The following TNR variants were observed in gnomAD, a reference collection of about 807,000 sequenced individuals.
The protein encoded by TNR is tenascin-R.
Under a neutral mutation model 150.4 loss-of-function variants are expected in TNR, and 45 were observed. That is an observed-to-expected ratio of 0.30 (90% CI 0.24 to 0.38). The LOEUF (loss-of-function observed/expected upper bound fraction) is 0.38. Ranked by LOEUF, TNR falls within the 10% of genes least tolerant of loss-of-function variation. The pLI is 1.00. For synonymous variants in TNR, 687 were observed against 678.4 expected (o/e 1.01, Z -0.20); for missense variants, 1,544 against 1,759.1 (o/e 0.88, Z 2.19).
At chr1:175,499,694 C>T (rs985854723) in intron 2 of TNR, among the ~76,000 whole-genome samples, 2 of 152,210 alleles carry the variant, frequency 1.3e-5, no homozygotes, top group African/African-American at 4.8e-5. Flanking sequence ...AAGTGCTCCC[C>T]TTATAGCCAT....
At chr1:175,360,461 A>G (rs1315743084) in intron 14 of TNR, among the ~76,000 whole-genome samples, 1 of 152,212 alleles carries the variant, frequency 6.6e-6, no homozygotes, top group Non-Finnish European at 1.5e-5. Context: ...TGCTTGTCAT[A>G]GGATCATCTT....
chr1:175,382,497 G>A (rs951697704), intron 8 of TNR, among the ~76,000 whole-genome samples: 14 of 152,184 alleles, frequency 9.2e-5, no homozygotes, highest in African/African-American at 2.7e-4. Context: ...GTCCTAGAGC[G>A]GCATCACTGC....
chr1:175,504,528 C>A (rs1486938388), intron 2 of TNR, among the ~76,000 whole-genome samples: 5 of 152,172 alleles, frequency 3.3e-5, no homozygotes, highest in African/African-American at 1.2e-4. Context: ...GTCGGGTGCT[C>A]ATTTCTCCCC....
rs1476272185 is a variant in TNR at position 175,549,705 on chromosome 1, G to T, written c.-164-21336C>A. Among the ~76,000 whole-genome samples the T allele has an allele frequency of 3.3e-5, 5 of 152,306 alleles. No individual in the cohort carries two copies. The South Asian group carries it at 1.0e-3, about 32-fold the overall frequency. On this transcript the variant is annotated intron_variant, in intron 1 of 22. Coordinates refer to ENST00000367674, the MANE Select transcript of TNR (RefSeq NM_003285.3). ...AAGAGAGGTTCTCTGTTGCTGAGTG[G>T]AGGTGGCCCATAGCAAGGATCTGAG...
chr1:175,490,208 T>C (rs1042072222), intron 2 of TNR, among the ~76,000 whole-genome samples: 1 of 151,670 alleles, frequency 6.6e-6, no homozygotes, highest in Non-Finnish European at 1.5e-5. Flanking sequence ...CCTTCCACCA[T>C]ATAAAAAATT....
chr1:175,326,913 G>T (rs995098087), intron 21 of TNR, among the ~76,000 whole-genome samples: 7 of 151,304 alleles, frequency 4.6e-5, no homozygotes, highest in East Asian at 1.9e-4. Context: ...TGATCTGCCC[G>T]CCTCGGCCTC....
intron 2 of TNR, among the ~76,000 whole-genome samples, chr1:175,444,720 C>T (rs1295819487): frequency 6.6e-6 from 1 of 152,172 alleles, no homozygotes; most frequent in Non-Finnish European, 1.5e-5. Context: ...AACCAGACAA[C>T]TCTAAATTGT....
intron 1 of TNR, among the ~76,000 whole-genome samples, chr1:175,729,846 G>C (rs1667585822): frequency 6.6e-6 from 1 of 152,148 alleles, no homozygotes; most frequent in South Asian, 2.1e-4. Flanking sequence ...GGTCCCATCT[G>C]CTCACCCCAA....
At chr1:175,465,879 A>G (rs1272332426) in intron 2 of TNR, among the ~76,000 whole-genome samples, 1 of 152,214 alleles carries the variant, frequency 6.6e-6, no homozygotes, top group Non-Finnish European at 1.5e-5. Flanking sequence ...GCTGGTTGAT[A>G]TAACATTCTT....
rs774585674 is a variant in TNR, at chr1:175,396,557, G to C, written c.1227C>G (p.Ala409=). 6.9e-5 allele frequency: 111 copies of C among 1,613,960 alleles called. No individual in the cohort carries two copies. Among genetic ancestry groups the C allele is most frequent in the Non-Finnish European group, 9.2e-5 (109 of 1,179,958 alleles). ...AATGGTACGTACGGGTGGCCACCTT[G>C]GCAGTGATGGGAAGGCTGAGGATGT... is the stretch of plus-strand genomic sequence containing the variant. ...ISNILSLPIT[A]KVATHLSTPQ... is the part of the protein sequence containing the mutation. Residue 409 remains alanine, a synonymous_variant, in exon 5 of 23, where the codon GCC becomes GCG. Coordinates refer to ENST00000367674, the MANE Select transcript of TNR (RefSeq NM_003285.3).
intron 21 of TNR, among the ~76,000 whole-genome samples, chr1:175,327,020 C>A (rs2101980917): frequency 6.6e-6 from 1 of 151,890 alleles, no homozygotes; most frequent in South Asian, 2.1e-4. Flanking sequence ...ACATTTATAT[C>A]CTTTGTCTTA....
intron 9 of TNR, among the ~76,000 whole-genome samples, chr1:175,368,967 A>G (rs188939332): frequency 5.3e-5 from 8 of 152,114 alleles, no homozygotes; most frequent in Admixed American, 2.0e-4. Context: ...AAAAACAAAC[A>G]AACAAGTAAA....
chr1:175,685,587 TAAG>T (rs2040382539), intron 1 of TNR, among the ~76,000 whole-genome samples: 1 of 152,154 alleles, frequency 6.6e-6, no homozygotes, highest in South Asian at 2.1e-4. Flanking sequence ...AGGAGCAGGA[TAAG>T]AAGGTGTGTC....
intron 1 of TNR, among the ~76,000 whole-genome samples, chr1:175,652,299 G>A (rs1333368858): frequency 6.6e-6 from 1 of 151,640 alleles, no homozygotes; most frequent in Non-Finnish European, 1.5e-5. Context: ...ATGACAAGGT[G>A]AAAACTTAAT....
At chr1:175,407,557 C>G (rs184841713) in intron 2 of TNR, among the ~76,000 whole-genome samples, 1 of 152,190 alleles carries the variant, frequency 6.6e-6, no homozygotes, top group African/African-American at 2.4e-5. Context: ...AATTTTATTC[C>G]TTTTGTATTC....
At chr1:175,616,234 C>T (rs1663769216) in intron 1 of TNR, among the ~76,000 whole-genome samples, 1 of 152,190 alleles carries the variant, frequency 6.6e-6, no homozygotes. Context: ...CTTTGCCCTT[C>T]ACCCTGCTCA....
At chr1:175,364,192 G>C (rs1651730106) in intron 12 of TNR, among the ~76,000 whole-genome samples, 2 of 152,142 alleles carry the variant, frequency 1.3e-5, no homozygotes, top group Admixed American at 6.6e-5. Flanking sequence ...ACCAAATTTT[G>C]CCTGTATCTC....
chr1:175,481,664 C>A (rs1657813957), intron 2 of TNR, among the ~76,000 whole-genome samples: 1 of 152,052 alleles, frequency 6.6e-6, no homozygotes, highest in Non-Finnish European at 1.5e-5. Context: ...GGTGGGTGGG[C>A]CCATGGAGGG....
intron 2 of TNR, among the ~76,000 whole-genome samples, chr1:175,421,672 T>C (rs1162778111): frequency 6.6e-6 from 1 of 152,330 alleles, no homozygotes; most frequent in East Asian, 1.9e-4. Context: ...ACAAGGAATA[T>C]TTATTGCCTT....
Sources: gnomAD v4.1 joint callset for allele counts (sites outside exome capture counted in the v4.1 genomes callset) on GRCh38, gnomAD v4.1.1 for gene constraint, MANE v1.5 for transcripts, NCBI Gene and HGNC (gene_info 2026-07-23, HGNC 2026-07-21) for gene names.